Variants in TCF7L2 observed in about 807,000 individuals in gnomAD.
The protein encoded by TCF7L2 is transcription factor 7-like 2.
In TCF7L2, 23 loss-of-function variants were observed where a neutral mutation model predicts 77.9. The observed-to-expected ratio is 0.30, with a 90% CI of 0.21 to 0.42. The LOEUF is 0.42. TCF7L2 is among the 10% of genes least tolerant of loss of function. The pLI is 1.00. For missense variants in TCF7L2, 654 were observed against 793.1 expected (o/e 0.82, Z 2.11); for synonymous variants, 413 against 340.2 (o/e 1.21, Z -2.36).
chr10:113,147,426 C>T (rs758812427), intron 8 of TCF7L2, among the ~76,000 whole-genome samples: 8 of 152,078 alleles, frequency 5.3e-5, no homozygotes, highest in Non-Finnish European at 1.0e-4. Context: ...GTAACTATGC[C>T]GTGGATATCA....
At chr10:113,154,041 A>G (rs924913427) in intron 11 of TCF7L2, among the ~76,000 whole-genome samples, 2 of 152,210 alleles carry the variant, frequency 1.3e-5, no homozygotes, top group Non-Finnish European at 2.9e-5. Flanking sequence ...CACCTCTGGG[A>G]TGGCGCGTGT....
intron 5 of TCF7L2, among the ~76,000 whole-genome samples, chr10:113,064,736 G>A (rs988629651): frequency 6.6e-6 from 1 of 152,196 alleles, no homozygotes; most frequent in African/African-American, 2.4e-5. Context: ...TACCACGGAT[G>A]CTTCAGCCGG....
chr10:113,147,862 G>A (rs1472646456), intron 8 of TCF7L2, among the ~76,000 whole-genome samples: 1 of 152,158 alleles, frequency 6.6e-6, no homozygotes, highest in African/African-American at 2.4e-5. Flanking sequence ...GTGGGCATGG[G>A]GGTGGAGGAA....
At chr10:113,052,705 C>A (rs1466316844) in intron 5 of TCF7L2, among the ~76,000 whole-genome samples, 2 of 152,156 alleles carry the variant, frequency 1.3e-5, no homozygotes, top group Non-Finnish European at 2.9e-5. Context: ...GAGGACATGA[C>A]ACATGGACCA....
chr10:113,008,817 C>T (rs535898977), intron 4 of TCF7L2, among the ~76,000 whole-genome samples: 1 of 152,264 alleles, frequency 6.6e-6, no homozygotes, highest in South Asian at 2.1e-4. Flanking sequence ...TCTGTTGACT[C>T]CTAGGGCTCC....
intron 13 of TCF7L2, among the ~76,000 whole-genome samples, chr10:113,160,872 C>G (rs1029094375): frequency 1.3e-5 from 2 of 152,226 alleles, no homozygotes; most frequent in African/African-American, 2.4e-5. Flanking sequence ...CCCACTTTCT[C>G]TTTCTCTCTT....
chr10:113,144,123 TG>T (rs1720489329), intron 7 of TCF7L2, 98 bp downstream of exon 7: 2 of 975,816 alleles, frequency 2.0e-6, no homozygotes, highest in South Asian at 1.7e-5. Context: ...TGTGTGTGTG[TG>T]TGTGTGTGTG....
At chr10:113,017,380 AGTGGTG>A (rs2047518869) in intron 4 of TCF7L2, among the ~76,000 whole-genome samples, 2 of 39,360 alleles carry the variant, frequency 5.1e-5, no homozygotes, top group Admixed American at 1.7e-4. Flanking sequence ...ACAAATGACC[AGTGGTG>A]GAGCGGGAGC....
chr10:113,022,220 C>T (rs899790405), intron 4 of TCF7L2, among the ~76,000 whole-genome samples: 1 of 152,216 alleles, frequency 6.6e-6, no homozygotes, highest in Non-Finnish European at 1.5e-5. Flanking sequence ...CACCCAAATG[C>T]ATTGTGACCC....
chr10:113,142,973 T>C (rs141651715), intron 6 of TCF7L2, among the ~76,000 whole-genome samples: 1 of 152,238 alleles, frequency 6.6e-6, no homozygotes, highest in Non-Finnish European at 1.5e-5. Context: ...AATTTACAGA[T>C]TAAAAGCTTC....
chr10:112,995,488 C>T (rs974482363), intron 4 of TCF7L2, among the ~76,000 whole-genome samples: 13 of 152,040 alleles, frequency 8.6e-5, no homozygotes, highest in South Asian at 8.3e-4. Flanking sequence ...GGTGGTGCAG[C>T]GGGAGGCGTA....
At chr10:113,016,360 G>A (rs866341476) in intron 4 of TCF7L2, among the ~76,000 whole-genome samples, 1 of 152,154 alleles carries the variant, frequency 6.6e-6, no homozygotes, top group Non-Finnish European at 1.5e-5. Flanking sequence ...AGCCTGGCTG[G>A]TGTATTTGTT....
intron 4 of TCF7L2, among the ~76,000 whole-genome samples, chr10:112,966,184 T>TTATTTATA (rs2036768924): frequency 1.8e-5 from 2 of 114,276 alleles, no homozygotes; most frequent in South Asian, 2.6e-4. Flanking sequence ...TAAAATATAT[T>TTATTTATA]TATATATATA....
At position 113,075,707 on chromosome 10, in the gene TCF7L2, G is replaced by A. The variant is rs146933854; in HGVS notation, c.552+35581G>A. 2.0e-5 allele frequency among the ~76,000 whole-genome samples: 3 copies of A among 152,310 alleles called. No individual in the cohort carries two copies. The East Asian group carries it at 5.8e-4, about 29-fold the overall frequency. On this transcript the variant is annotated intron_variant, in intron 5 of 13. Transcript: ENST00000627217. The stretch of plus-strand genomic sequence containing the variant: ...AATAGCTCCCTGTGAGCTGAATTTT[G>A]TTTGCTGTGGTGCAGCATGGGTTTA...
chr10:113,127,545 C>T (rs2065849009), intron 5 of TCF7L2, among the ~76,000 whole-genome samples: 1 of 149,664 alleles, frequency 6.7e-6, no homozygotes, highest in African/African-American at 2.6e-5. Flanking sequence ...AGGAAGCTTT[C>T]GTTTTTGTTT....
chr10:112,971,980 G>C (rs184090202), intron 4 of TCF7L2, among the ~76,000 whole-genome samples: 9 of 152,016 alleles, frequency 5.9e-5, no homozygotes, highest in African/African-American at 1.4e-4. Flanking sequence ...GTGTGCAGTG[G>C]TGCGATCTCG....
At chr10:113,109,141 C>T (rs1371983962) in intron 5 of TCF7L2, among the ~76,000 whole-genome samples, 2 of 152,166 alleles carry the variant, frequency 1.3e-5, no homozygotes, top group Non-Finnish European at 2.9e-5. Context: ...TTAGAATTGC[C>T]GCACTGGCAT....
In TCF7L2 at chr10:113,137,461, A is replaced by C. The variant is rs147374315; in HGVS notation, c.553-3723A>C. ...ATTCTCATCCAGAGTTGACAGAGAC[A>C]GAAAGGAAGTCTTGAGGGAGGTCGA... On this transcript the variant is annotated intron_variant, in intron 5 of 13. Coordinates refer to ENST00000627217, the MANE Select transcript of TCF7L2 (RefSeq NM_001146274.2). Among the ~76,000 whole-genome samples the C allele has an allele frequency of 1.9e-3, 294 of 152,366 alleles. 4 individuals carry two copies. In the South Asian group the frequency reaches 0.029, roughly 15 times the overall value.
intron 4 of TCF7L2, among the ~76,000 whole-genome samples, chr10:113,011,135 C>T (rs1005240222): frequency 5.3e-5 from 8 of 152,146 alleles, no homozygotes; most frequent in Admixed American, 5.2e-4. Flanking sequence ...TGGTTAGTGG[C>T]AGGAGGGGAG....
Sources: gnomAD v4.1 joint callset for allele counts (sites outside exome capture counted in the v4.1 genomes callset) on GRCh38, gnomAD v4.1.1 for gene constraint, MANE v1.5 for transcripts, NCBI Gene and HGNC (gene_info 2026-07-23, HGNC 2026-07-21) for gene names.